The following HMGCLL1 variants were observed in gnomAD, a reference collection of about 807,000 sequenced individuals.
HMGCLL1 encodes the protein 3-hydroxy-3-methylglutaryl-CoA lyase like 1.
HMGCLL1 carries 36 observed loss-of-function variants against 39.1 expected under a neutral mutation model. The ratio of observed to expected loss-of-function variants is 0.92; its 90% CI spans 0.71 to 1.22. The LOEUF (loss-of-function observed/expected upper bound fraction) is 1.22. Among genes scored for constraint, HMGCLL1 ranks in the 50% most tolerant of loss-of-function variants. HMGCLL1 has a pLI of 0.00. For missense variants in HMGCLL1, 451 were observed against 416.5 expected (o/e 1.08, Z -0.72); for synonymous variants, 149 against 144.0 (o/e 1.03, Z -0.25).
At chr6:55,612,190 C>T in the HMGCLL1 span, among the ~76,000 whole-genome samples, 2 of 152,004 alleles carry the variant, frequency 1.3e-5, no homozygotes, top group Admixed American at 1.3e-4. Context: ...GAATGAACTC[C>T]CATTCATAAT....
chr6:55,672,056 G>C, the HMGCLL1 span, among the ~76,000 whole-genome samples: 1 of 151,706 alleles, frequency 6.6e-6, no homozygotes, highest in African/African-American at 2.4e-5. Context: ...GAGGAACAGG[G>C]AACCAGGGGA....
At chr6:55,657,049 TG>T in the HMGCLL1 span, among the ~76,000 whole-genome samples, 2 of 151,938 alleles carry the variant, frequency 1.3e-5, no homozygotes, top group African/African-American at 4.8e-5. Flanking sequence ...GGGGTTTTGT[TG>T]TTTTTTTTCT....
In HMGCLL1 at chr6:55,444,349, T is replaced by G. The variant is rs74340738; in HGVS notation, c.796-4790A>C. The stretch of plus-strand genomic sequence containing the variant: ...CTAGATAAAAATAAATACATATGGG[T>G]GACGTATATTGTATCTTGGTTTTGT... On this transcript the variant is annotated intron_variant, in intron 7 of 8. Transcript: ENST00000274901. Among the ~76,000 whole-genome samples the G allele has an allele frequency of 2.9e-4, 44 of 152,086 alleles. 1 individual carries two copies. The East Asian group carries it at 8.3e-3, about 29-fold the overall frequency.
chr6:55,651,731 T>C, the HMGCLL1 span, among the ~76,000 whole-genome samples: 1 of 152,046 alleles, frequency 6.6e-6, no homozygotes, highest in African/African-American at 2.4e-5. Context: ...CTTCAACCCA[T>C]GGCGGCAAGG....
At chr6:55,581,360 T>G (rs1164369840), upstream of HMGCLL1, among the ~76,000 whole-genome samples, 1 of 152,094 alleles carries the variant, frequency 6.6e-6, no homozygotes, top group Non-Finnish European at 1.5e-5. Context: ...AATGCTATGA[T>G]CTCAAATTTT....
the HMGCLL1 span, among the ~76,000 whole-genome samples, chr6:55,608,926 G>A: frequency 6.6e-6 from 1 of 152,348 alleles, no homozygotes; most frequent in South Asian, 2.1e-4. Context: ...GACCCACGGA[G>A]AGGAGAGAAG....
At chr6:55,615,245 CTA>C in the HMGCLL1 span, among the ~76,000 whole-genome samples, 1 of 151,852 alleles carries the variant, frequency 6.6e-6, no homozygotes, top group South Asian at 2.1e-4. Context: ...AAAAATTATG[CTA>C]TGATTAAAAA....
At chr6:55,452,734 G>A (rs1399668801) in intron 7 of HMGCLL1, among the ~76,000 whole-genome samples, 1 of 152,144 alleles carries the variant, frequency 6.6e-6, no homozygotes, top group African/African-American at 2.4e-5. Context: ...GAAGTTTCCT[G>A]AGACACCCCT....
the HMGCLL1 span, among the ~76,000 whole-genome samples, chr6:55,625,581 A>G: frequency 6.6e-6 from 1 of 152,136 alleles, no homozygotes; most frequent in Non-Finnish European, 1.5e-5. Context: ...CCTTTCTAGG[A>G]CATCCCTGAA....
At chr6:55,669,386 C>T in the HMGCLL1 span, among the ~76,000 whole-genome samples, 1 of 151,816 alleles carries the variant, frequency 6.6e-6, no homozygotes, top group Non-Finnish European at 1.5e-5. Context: ...CAATTGCCTG[C>T]TGAACTAAAA....
At chr6:55,511,848 T>C (rs1444096466) in intron 5 of HMGCLL1, among the ~76,000 whole-genome samples, 4 of 152,146 alleles carry the variant, frequency 2.6e-5, no homozygotes, top group Admixed American at 2.0e-4. Flanking sequence ...TTTCTGAAAA[T>C]GAGAGTGTTT....
the HMGCLL1 span, among the ~76,000 whole-genome samples, chr6:55,666,548 AT>A: frequency 1.3e-5 from 2 of 151,606 alleles, no homozygotes; most frequent in Non-Finnish European, 3.0e-5. Flanking sequence ...TAGAGTTTTT[AT>A]TTTTTTATTA....
intron 7 of HMGCLL1, among the ~76,000 whole-genome samples, chr6:55,470,087 A>G (rs921240845): frequency 6.6e-6 from 1 of 151,888 alleles, no homozygotes; most frequent in Non-Finnish European, 1.5e-5. Flanking sequence ...TTTAATGTCT[A>G]AGAGTCGTTC....
intron 3 of HMGCLL1, among the ~76,000 whole-genome samples, chr6:55,540,118 T>C (rs1769338982): frequency 1.3e-5 from 2 of 151,214 alleles, no homozygotes; most frequent in South Asian, 4.2e-4. Flanking sequence ...TTCTGGAAGA[T>C]TATTTTACAA....
chr6:55,617,134 C>T, the HMGCLL1 span, among the ~76,000 whole-genome samples: 1 of 152,060 alleles, frequency 6.6e-6, no homozygotes, highest in Non-Finnish European at 1.5e-5. Context: ...CACAAATCAT[C>T]CTGTCACAAA....
In HMGCLL1 at chr6:55,477,263, TATATA is replaced by T. The variant is rs1469786196; in HGVS notation, c.795+18151_795+18155del. On this transcript the variant is annotated intron_variant, in intron 7 of 8. Transcript: ENST00000274901. ...TATTTATATAATATATAATATATAT[TATATA>T]ATATATATTATATATTATATATAAA... Among the ~76,000 whole-genome samples, 7 of 20,804 alleles carry T rather than the reference TATATA, an allele frequency of 3.4e-4. 1 individual carries two copies. Among genetic ancestry groups the T allele is most frequent in the African/African-American group, 3.0e-3 (6 of 1,992 alleles). 13.6% of individuals were successfully genotyped at this position (20,804 alleles called of 152,430 possible). A position where few individuals can be genotyped will look rare whatever the true frequency, so the allele number is the denominator to read the frequency against.
chr6:55,448,918 T>A (rs894973390), intron 7 of HMGCLL1, among the ~76,000 whole-genome samples: 1 of 152,156 alleles, frequency 6.6e-6, no homozygotes, highest in Admixed American at 6.6e-5. Context: ...TCTCAGATGT[T>A]AACATATCCA....
chr6:55,590,883 T>C, the HMGCLL1 span, among the ~76,000 whole-genome samples: 1 of 152,052 alleles, frequency 6.6e-6, no homozygotes, highest in East Asian at 1.9e-4. Flanking sequence ...CCTAAACCTA[T>C]GAAGCACTTC....
intron 7 of HMGCLL1, among the ~76,000 whole-genome samples, chr6:55,446,835 G>A (rs1763865236): frequency 6.6e-6 from 1 of 151,764 alleles, no homozygotes; most frequent in South Asian, 2.1e-4. Flanking sequence ...TAAAATTTTA[G>A]TTATTGAGGT....
Sources: allele counts gnomAD v4.1 joint callset (sites outside exome capture counted in the v4.1 genomes callset), GRCh38; gene constraint gnomAD v4.1.1; transcripts MANE v1.5; gene names NCBI Gene and HGNC (gene_info 2026-07-23, HGNC 2026-07-21).